MYH10: variants seen among roughly 807,000 people sequenced by gnomAD.
MYH10 encodes myosin-10.
In MYH10, 55 loss-of-function variants were observed where a neutral mutation model predicts 257.8. The observed-to-expected ratio is 0.21, with a 90% CI of 0.17 to 0.27. MYH10 has a LOEUF of 0.27. Ranked by LOEUF, MYH10 falls within the 10% of genes least tolerant of loss-of-function variation. The pLI, the probability that MYH10 is intolerant of heterozygous loss-of-function variation, is 1.00. For missense variants in MYH10, 1,631 were observed against 2,500.6 expected (o/e 0.65, Z 7.42); for synonymous variants, 854 against 921.7 (o/e 0.93, Z 1.33).
At chr17:8,531,620 G>A (rs1306393102) in intron 16 of MYH10, among the ~76,000 whole-genome samples, 2 of 151,140 alleles carry the variant, frequency 1.3e-5, no homozygotes, top group Non-Finnish European at 2.9e-5. Flanking sequence ...TAAACTCCTG[G>A]GGTCAAGCGA....
At chr17:8,548,588 C>G in intron 10 of MYH10, 56 bp downstream of exon 10, 1 of 1,578,272 alleles carries the variant, frequency 6.3e-7, no homozygotes, top group Non-Finnish European at 8.6e-7. Flanking sequence ...TGATTTACCC[C>G]AGATGTATAA....
chr17:8,526,718 G>A (rs535325807), intron 17 of MYH10, among the ~76,000 whole-genome samples: 5 of 152,262 alleles, frequency 3.3e-5, no homozygotes, highest in Admixed American at 2.6e-4. Flanking sequence ...GCTTGGTACC[G>A]AATCCTTAAC....
At chr17:8,578,663 A>G (rs373517723) in intron 4 of MYH10, among the ~76,000 whole-genome samples, 3 of 152,304 alleles carry the variant, frequency 2.0e-5, no homozygotes, top group African/African-American at 7.2e-5. Context: ...GCACATTTCA[A>G]AAGTTTTCAT....
intron 7 of MYH10, among the ~76,000 whole-genome samples, chr17:8,565,767 T>C (rs1296424325): frequency 1.3e-5 from 2 of 152,260 alleles, no homozygotes; most frequent in Non-Finnish European, 2.9e-5. Context: ...GCTTCTTTCC[T>C]GTGTGCTGCT....
rs71361810 is a variant in MYH10 at position 8,610,271 on chromosome 17, CAAA to C, written c.346-5292_346-5290del. Among the ~76,000 whole-genome samples, 27 of 45,978 alleles carry C rather than the reference CAAA, an allele frequency of 5.9e-4. No homozygotes were observed. In the East Asian group the frequency reaches 6.5e-3, roughly 11 times the overall value. The allele number at this position is 45,978 out of a possible 152,430, so 30.2% of individuals were successfully genotyped here. On this transcript the variant is annotated intron_variant, in intron 2 of 42. Transcript: ENST00000360416. ...GTTTATAGGGAGCACCATAGGATTG[CAAA>C]AAAAAAAAAAAAAAAAAAGGGTTGG...
intron 3 of MYH10, among the ~76,000 whole-genome samples, chr17:8,598,989 G>C (rs986140453): frequency 2.0e-5 from 3 of 152,210 alleles, no homozygotes; most frequent in African/African-American, 7.2e-5. Flanking sequence ...TTACAGGCGT[G>C]AGCCATGGTG....
intron 11 of MYH10, 39 bp from the exon 12 acceptor site, chr17:8,546,701 C>A: frequency 9.6e-6 from 14 of 1,463,192 alleles, no homozygotes; most frequent in Non-Finnish European, 1.3e-5. Context: ...ACATTTTTTA[C>A]TTACAATCTA....
At chr17:8,601,894 G>T (rs182264798) in intron 3 of MYH10, among the ~76,000 whole-genome samples, 2 of 151,858 alleles carry the variant, frequency 1.3e-5, no homozygotes, top group South Asian at 2.1e-4. Flanking sequence ...TACACTTAAA[G>T]ATGTGGGATG....
At chr17:8,534,058 C>T (rs1351637389) in intron 16 of MYH10, among the ~76,000 whole-genome samples, 1 of 152,132 alleles carries the variant, frequency 6.6e-6, no homozygotes, top group Non-Finnish European at 1.5e-5. Flanking sequence ...TTTTTCTGTT[C>T]TCGTCTCAGT....
At chr17:8,538,457 G>A (rs577335764) in intron 14 of MYH10, among the ~76,000 whole-genome samples, 16 of 152,188 alleles carry the variant, frequency 1.1e-4, no homozygotes, top group Non-Finnish European at 1.8e-4. Context: ...TGATCTGCCC[G>A]CCTTGGCCTC....
intron 37 of MYH10, among the ~76,000 whole-genome samples, chr17:8,483,206 G>A (rs1311995672): frequency 2.6e-5 from 4 of 152,178 alleles, no homozygotes; most frequent in Non-Finnish European, 4.4e-5. Flanking sequence ...TGTGGAACAT[G>A]ATGAAAACCG....
At chr17:8,580,258 A>C (rs1445995962) in intron 4 of MYH10, among the ~76,000 whole-genome samples, 1 of 152,170 alleles carries the variant, frequency 6.6e-6, no homozygotes, top group Non-Finnish European at 1.5e-5. Context: ...AAAGAGCAAA[A>C]AGAAATCAAG....
chr17:8,524,621 A>G (rs1438897693), intron 17 of MYH10, among the ~76,000 whole-genome samples: 1 of 151,910 alleles, frequency 6.6e-6, no homozygotes, highest in Non-Finnish European at 1.5e-5. Flanking sequence ...AAAAGTTAAG[A>G]TGTCATCGAT....
rs2151764442 is a variant in MYH10, at chr17:8,478,347, A to G, written c.5697T>C (p.Tyr1899=). The G allele has an allele frequency of 6.2e-7, 1 of 1,613,922 alleles. No homozygotes were observed. The highest frequency in any genetic ancestry group is 8.5e-7 in the Non-Finnish European group (1 of 1,179,860). Residue 1899 remains tyrosine, a synonymous_variant, in exon 41 of 43, where the codon TAT becomes TAC. Coordinates refer to ENST00000360416, the MANE Select transcript of MYH10 (RefSeq NM_001256012.3). ...GCACTTCCTCGCGTACCTGCTCTTT[A>G]TACTGGTCCGCGTGTCGACGCTCAT... ...VEDERRHADQ[Y]KEQMEKANAR... is the part of the protein sequence containing the mutation.
chr17:8,582,926 T>C (rs1057003440), intron 4 of MYH10, among the ~76,000 whole-genome samples: 2 of 152,214 alleles, frequency 1.3e-5, no homozygotes, highest in Non-Finnish European at 2.9e-5. Context: ...GAAGTTCTTG[T>C]TTTAGATAAC....
intron 1 of MYH10, among the ~76,000 whole-genome samples, chr17:8,628,198 AACAT>A (rs1333947219): frequency 6.6e-6 from 1 of 152,216 alleles, no homozygotes; most frequent in Non-Finnish European, 1.5e-5. Context: ...TTTGTTAGCG[AACAT>A]AAAGATGGTC....
In MYH10 at chr17:8,500,817, C is replaced by T. The variant is rs895128626; in HGVS notation, c.3744+9G>A. 1.1e-5 allele frequency: 17 copies of T among 1,610,872 alleles called. No individual in the cohort carries two copies. The highest frequency in any genetic ancestry group is 1.7e-5 in the Admixed American group (1 of 59,546). On this transcript the variant is annotated intron_variant, in intron 29 of 42. Coordinates refer to ENST00000360416, the MANE Select transcript of MYH10 (RefSeq NM_001256012.3). ...TCCAGGCCACAGCACACGGCAGGGCCTCCCTTACCCGCTTGGCCTGTTCCA... is the reference window on the plus strand; with the variant it reads ...TCCAGGCCACAGCACACGGCAGGGCTTCCCTTACCCGCTTGGCCTGTTCCA...
At chr17:8,565,018 T>C (rs1029453710) in intron 7 of MYH10, among the ~76,000 whole-genome samples, 1 of 152,208 alleles carries the variant, frequency 6.6e-6, no homozygotes, top group Non-Finnish European at 1.5e-5. Context: ...AAAAGGCTGA[T>C]TCCTAGGTAT....
intron 40 of MYH10, among the ~76,000 whole-genome samples, chr17:8,479,140 C>T (rs1913224526): frequency 6.6e-6 from 1 of 152,132 alleles, no homozygotes; most frequent in Non-Finnish European, 1.5e-5. Flanking sequence ...AAACTTTTAG[C>T]CTGAGAAACA....
Sources: allele counts gnomAD v4.1 joint callset (sites outside exome capture counted in the v4.1 genomes callset), GRCh38; gene constraint gnomAD v4.1.1; transcripts MANE v1.5; gene names NCBI Gene and HGNC (gene_info 2026-07-23, HGNC 2026-07-21).